Variants in DEPTOR observed in about 807,000 individuals in gnomAD.
DEPTOR encodes the protein DEP domain-containing mTOR-interacting protein.
DEPTOR carries 41 observed loss-of-function variants against 41.6 expected under a neutral mutation model. The observed-to-expected ratio is 0.98, with a 90% CI of 0.77 to 1.28. The LOEUF (loss-of-function observed/expected upper bound fraction) is 1.28, where lower values mean the gene tolerates loss of function less well. Ranked by LOEUF, DEPTOR falls within the 50% of genes most tolerant of loss-of-function variation. The pLI is 0.00. For synonymous variants in DEPTOR, 195 were observed against 192.3 expected (o/e 1.01, Z -0.12); for missense variants, 514 against 527.9 (o/e 0.97, Z 0.26).
chr8:120,023,326 T>C (rs1401955878), intron 8 of DEPTOR, among the ~76,000 whole-genome samples: 3 of 152,128 alleles, frequency 2.0e-5, no homozygotes, highest in African/African-American at 4.8e-5. Context: ...CTGCAAACTC[T>C]GCTTCCCGGG....
chr8:119,974,787 G>A (rs1314374869), intron 4 of DEPTOR, among the ~76,000 whole-genome samples: 2 of 151,936 alleles, frequency 1.3e-5, no homozygotes, highest in Non-Finnish European at 2.9e-5. Flanking sequence ...AAAAAGGTGG[G>A]GGGGTGGGTA....
intron 8 of DEPTOR, among the ~76,000 whole-genome samples, chr8:120,023,274 T>G (rs1374099423): frequency 6.6e-6 from 1 of 152,136 alleles, no homozygotes; most frequent in Non-Finnish European, 1.5e-5. Flanking sequence ...ACAGTCTCAC[T>G]CTGTGGCCCA....
intron 1 of DEPTOR, among the ~76,000 whole-genome samples, chr8:119,886,843 C>T (rs914804492): frequency 2.0e-5 from 3 of 152,106 alleles, no homozygotes; most frequent in Admixed American, 2.0e-4. Context: ...TTCTTTTAAA[C>T]AAACCCTATT....
At chr8:119,902,318 G>A (rs1471591027) in intron 1 of DEPTOR, among the ~76,000 whole-genome samples, 1 of 149,668 alleles carries the variant, frequency 6.7e-6, no homozygotes, top group Non-Finnish European at 1.5e-5. Flanking sequence ...ACTAAGTGAT[G>A]GAGACTGCTC....
Position 120,006,827 on chromosome 8 carries a change from T to C in DEPTOR, c.948T>C (p.Ser316=). 6.2e-7 allele frequency: 1 copy of C among 1,614,186 alleles called. No individual in the cohort carries two copies. Among genetic ancestry groups the C allele is most frequent in the Non-Finnish European group, 8.5e-7 (1 of 1,180,036 alleles). ...CAGTGCTGAAGAGACCTGTCACCTC[T>C]GAGGAACTCCTTACTCCCGGGGCTC... ...PKSVLKRPVT[S]EELLTPGAPY... is the part of the protein sequence containing the mutation. The change falls in exon 7 of 9, where the codon TCT becomes TCC. Residue 316 remains serine (S), a synonymous_variant. Transcript: ENST00000286234.
chr8:119,992,766 C>T (rs180697842), intron 4 of DEPTOR, among the ~76,000 whole-genome samples: 8 of 150,562 alleles, frequency 5.3e-5, no homozygotes, highest in African/African-American at 2.0e-4. Flanking sequence ...AAGTGATTCT[C>T]GTGCCTCAGT....
chr8:119,935,398 A>C (rs897201737), intron 3 of DEPTOR, among the ~76,000 whole-genome samples: 2 of 152,198 alleles, frequency 1.3e-5, no homozygotes, highest in Non-Finnish European at 2.9e-5. Context: ...TCCCCACTGC[A>C]AAACTTGATT....
intron 1 of DEPTOR, among the ~76,000 whole-genome samples, chr8:119,907,997 T>A (rs1239741156): frequency 2.6e-5 from 4 of 152,152 alleles, no homozygotes; most frequent in African/African-American, 9.6e-5. Flanking sequence ...GACACCTAGC[T>A]AGCCTCATGA....
At chr8:120,015,129 G>T (rs981105640) in intron 8 of DEPTOR, among the ~76,000 whole-genome samples, 3 of 152,004 alleles carry the variant, frequency 2.0e-5, no homozygotes, top group Non-Finnish European at 2.9e-5. Flanking sequence ...ATCACAATAG[G>T]AATAAACTCA....
chr8:119,930,005 C>T, intron 3 of DEPTOR, 67 bp downstream of exon 3: 6 of 1,512,432 alleles, frequency 4.0e-6, no homozygotes, highest in Admixed American at 2.0e-5. Flanking sequence ...GTGCCAGTCT[C>T]ATTATGTTGA....
At chr8:119,909,711 T>C (rs1054623792) in intron 1 of DEPTOR, among the ~76,000 whole-genome samples, 2 of 152,262 alleles carry the variant, frequency 1.3e-5, no homozygotes, top group Non-Finnish European at 2.9e-5. Context: ...GCCTTGCCAC[T>C]TACAAACTAT....
chr8:119,938,944 G>GCTCTCTCTCTCTCT (rs139892847), intron 3 of DEPTOR, among the ~76,000 whole-genome samples: 23 of 125,942 alleles, frequency 1.8e-4, no homozygotes, highest in African/African-American at 4.7e-4. Context: ...GTTCCTTCTT[G>GCTCTCTCTCTCTCT]CTCTCTCTCT....
chr8:120,029,908 G>A (rs1023624202), intron 8 of DEPTOR, among the ~76,000 whole-genome samples: 1 of 152,154 alleles, frequency 6.6e-6, no homozygotes, highest in Non-Finnish European at 1.5e-5. Context: ...GCCCAGAGAG[G>A]CCCTCTGCAT....
At chr8:119,894,384 TTTTATTTA>T (rs35523236) in intron 1 of DEPTOR, among the ~76,000 whole-genome samples, 5 of 46,414 alleles carry the variant, frequency 1.1e-4, no homozygotes, top group South Asian at 5.3e-4. Context: ...AATAGTTCTT[TTTTATTTA>T]TTTATTTATT....
intron 3 of DEPTOR, among the ~76,000 whole-genome samples, chr8:119,954,845 G>GGTGTGTGTGTGTGTGTGTGTGTGTGT (rs10649943): frequency 6.8e-6 from 1 of 147,948 alleles, no homozygotes; most frequent in African/African-American, 2.5e-5. Flanking sequence ...GGCAAATATT[G>GGTGTGTGTGTGTGTGTGTGTGTGTGT]GTGTGTGTGT....
intron 4 of DEPTOR, among the ~76,000 whole-genome samples, chr8:119,981,964 A>G (rs1325020726): frequency 1.3e-5 from 2 of 148,588 alleles, no homozygotes; most frequent in Non-Finnish European, 3.0e-5. Context: ...CAGTGAGCCA[A>G]GATCATGCCA....
At chr8:119,983,754 G>A (rs978035308) in intron 4 of DEPTOR, among the ~76,000 whole-genome samples, 2 of 134,118 alleles carry the variant, frequency 1.5e-5, no homozygotes, top group Non-Finnish European at 3.3e-5. Context: ...AAGTAGGTGG[G>A]TTTTTTTTTC....
rs187861193 is a variant in DEPTOR at position 120,040,222 on chromosome 8, A to G, written c.1102-9354A>G. ...GGCAGTTAATGCTCATGGTGAAAGA[A>G]TGCTCTCTTATAATACTAACAGGTA... On this transcript the variant is annotated intron_variant, in intron 8 of 8. Coordinates refer to ENST00000286234, the MANE Select transcript of DEPTOR (RefSeq NM_022783.4). Among the ~76,000 whole-genome samples, 109 of 152,290 alleles carry G rather than the reference A, an allele frequency of 7.2e-4. 1 individual carries two copies. Among genetic ancestry groups the G allele is most frequent in the Admixed American group, 6.9e-3 (105 of 15,290 alleles).
At chr8:120,002,791 A>AATATATATATATATAT (rs1177103228) in intron 5 of DEPTOR, among the ~76,000 whole-genome samples, 186 bp from the exon 6 acceptor site, 14 of 60,666 alleles carry the variant, frequency 2.3e-4, no homozygotes, top group African/African-American at 6.1e-4. Flanking sequence ...AAAAAAAAAA[A>AATATATATATATATAT]ATATATATAT....
Sources: gnomAD v4.1 joint callset for allele counts (sites outside exome capture counted in the v4.1 genomes callset) on GRCh38, gnomAD v4.1.1 for gene constraint, MANE v1.5 for transcripts, NCBI Gene and HGNC (gene_info 2026-07-23, HGNC 2026-07-21) for gene names.